Variants in DIAPH2 observed in about 807,000 individuals in gnomAD.
DIAPH2 encodes the protein diaphanous related formin 2.
Under a neutral mutation model 92.7 loss-of-function variants are expected in DIAPH2, and 35 were observed. The observed-to-expected ratio is 0.38, with a 90% CI of 0.29 to 0.50. DIAPH2 has a LOEUF of 0.50. DIAPH2 is among the 20% of genes least tolerant of loss of function. The probability of loss-of-function intolerance (pLI) is 0.94; values close to 1 mark genes in which losing one functional copy is unlikely to be tolerated. For missense variants in DIAPH2, 701 were observed against 819.5 expected (o/e 0.86, Z 1.77); for synonymous variants, 301 against 280.4 (o/e 1.07, Z -0.73).
chrX:97,432,842 C>G (rs895306757), intron 26 of DIAPH2, among the ~76,000 whole-genome samples: 1 of 111,546 alleles, frequency 9.0e-6, no homozygotes, highest in Admixed American at 9.6e-5. Context: ...AGGCTGGTCT[C>G]GAACTCCTGA....
At chrX:97,475,605 G>A (rs887547901) in intron 26 of DIAPH2, among the ~76,000 whole-genome samples, 4 of 111,562 alleles carry the variant, frequency 3.6e-5, no homozygotes, top group African/African-American at 1.3e-4. Context: ...GCTGCTTAGA[G>A]TCATCTGAAA....
At chrX:97,545,855 T>C (rs1030974089) in intron 26 of DIAPH2, among the ~76,000 whole-genome samples, 11 of 108,673 alleles carry the variant, frequency 1.0e-4, no homozygotes, top group Non-Finnish European at 5.7e-5. Context: ...ATTTTCAACT[T>C]AGTCTTAATG....
chrX:97,542,822 C>A (rs2071150366), intron 26 of DIAPH2, among the ~76,000 whole-genome samples: 1 of 111,214 alleles, frequency 9.0e-6, no homozygotes, highest in Admixed American at 9.6e-5. Flanking sequence ...GTAGCAAAAA[C>A]ATAACCGATA....
intron 24 of DIAPH2, among the ~76,000 whole-genome samples, chrX:97,361,999 GGGA>G (rs2069329636): frequency 1.8e-5 from 2 of 112,024 alleles, no homozygotes; most frequent in South Asian, 7.4e-4. Flanking sequence ...CCAGCACTTT[GGGA>G]GGCCAAGGCG....
intron 26 of DIAPH2, among the ~76,000 whole-genome samples, chrX:97,541,148 T>C (rs1172843410): frequency 1.8e-5 from 2 of 111,676 alleles, no homozygotes; most frequent in Admixed American, 9.6e-5. Flanking sequence ...CTCCAAAATA[T>C]TAAGCGACAA....
chrX:97,172,944 A>G (rs1473247951), intron 22 of DIAPH2, among the ~76,000 whole-genome samples: 5 of 112,219 alleles, frequency 4.5e-5, no homozygotes, highest in Non-Finnish European at 7.5e-5. Flanking sequence ...TAGGTTTCCT[A>G]TGTCCACGAC....
chrX:97,454,973 T>C (rs1214731492), intron 26 of DIAPH2, among the ~76,000 whole-genome samples: 1 of 112,399 alleles, frequency 8.9e-6, no homozygotes, highest in Non-Finnish European at 1.9e-5. Flanking sequence ...CTACAGACCT[T>C]GTAGGTACAG....
chrX:97,183,160 A>T (rs1465035781), intron 22 of DIAPH2, among the ~76,000 whole-genome samples: 2 of 111,589 alleles, frequency 1.8e-5, no homozygotes, highest in Non-Finnish European at 3.8e-5. Flanking sequence ...ATTTGTTTTT[A>T]TTGGGGTATA....
intron 26 of DIAPH2, among the ~76,000 whole-genome samples, chrX:97,514,994 C>G (rs1247947247): frequency 9.0e-6 from 1 of 110,499 alleles, no homozygotes; most frequent in Admixed American, 9.6e-5. Context: ...AGAGGTGGAG[C>G]CTACAGAGGC....
At chrX:96,946,785 T>C (rs925405812) in intron 14 of DIAPH2, among the ~76,000 whole-genome samples, 1 of 111,719 alleles carries the variant, frequency 9.0e-6, no homozygotes. Context: ...ATTATCTGTC[T>C]GGTAAAGTTT....
intron 23 of DIAPH2, among the ~76,000 whole-genome samples, chrX:97,302,211 CAAAAAAAAAA>C (rs35039257): frequency 1.5e-4 from 4 of 26,695 alleles, no homozygotes; most frequent in Middle Eastern, 0.11. Flanking sequence ...GACTCCATCT[CAAAAAAAAAA>C]AAAAAAAAAA....
intron 20 of DIAPH2, among the ~76,000 whole-genome samples, chrX:97,112,171 G>A (rs922079877): frequency 1.8e-5 from 2 of 111,563 alleles, no homozygotes; most frequent in African/African-American, 6.5e-5. Flanking sequence ...ACATGATATT[G>A]GGACCAAAGA....
At chrX:96,706,161 A>G (rs928872823) in intron 1 of DIAPH2, among the ~76,000 whole-genome samples, 6 of 112,477 alleles carry the variant, frequency 5.3e-5, no homozygotes, top group African/African-American at 1.6e-4. Flanking sequence ...GCTGGCAGCA[A>G]TCCACTGTGT....
intron 20 of DIAPH2, among the ~76,000 whole-genome samples, chrX:97,110,962 G>A (rs1213320584): frequency 1.9e-5 from 2 of 104,593 alleles, no homozygotes; most frequent in African/African-American, 7.5e-5. Context: ...TAGCCTGGGC[G>A]ACAGAACGAG....
At chrX:97,097,333 A>G (rs781382908) in intron 19 of DIAPH2, among the ~76,000 whole-genome samples, 1 of 112,045 alleles carries the variant, frequency 8.9e-6, no homozygotes, top group African/African-American at 3.2e-5. Flanking sequence ...TTTGAGAGTG[A>G]GTTTTATTCT....
intron 24 of DIAPH2, among the ~76,000 whole-genome samples, chrX:97,350,314 T>C (rs1472804247): frequency 9.0e-6 from 1 of 110,876 alleles, no homozygotes; most frequent in Non-Finnish European, 1.9e-5. Context: ...AAAGAATATA[T>C]ATGTAAAATA....
chrX:97,598,004 C>T (rs2071565722), intron 26 of DIAPH2, among the ~76,000 whole-genome samples: 1 of 111,240 alleles, frequency 9.0e-6, no homozygotes, highest in South Asian at 3.8e-4. Flanking sequence ...CATGGAGGCC[C>T]GTTAGCTTTG....
At chrX:96,884,653 C>G (rs1161220237) in intron 5 of DIAPH2, 1 of 1,207,305 alleles carries the variant, frequency 8.3e-7, no homozygotes, top group Admixed American at 2.2e-5. Flanking sequence ...GAAAGTCAAG[C>G]AGGTGACTCC....
intron 1 of DIAPH2, among the ~76,000 whole-genome samples, chrX:96,688,100 A>G (rs1383802544): frequency 8.9e-6 from 1 of 111,899 alleles, no homozygotes; most frequent in Non-Finnish European, 1.9e-5. Context: ...TATTTAAGGC[A>G]GTGACTTAAC....
Sources: gnomAD v4.1 joint callset for allele counts (sites outside exome capture counted in the v4.1 genomes callset) on GRCh38, gnomAD v4.1.1 for gene constraint, MANE v1.5 for transcripts, NCBI Gene and HGNC (gene_info 2026-07-23, HGNC 2026-07-21) for gene names.